The following PTPRG variants were observed in gnomAD, a reference collection of about 807,000 sequenced individuals.
The protein encoded by PTPRG is receptor-type tyrosine-protein phosphatase gamma.
In PTPRG, 102 loss-of-function variants were observed where a neutral mutation model predicts 165.3. The ratio of observed to expected loss-of-function variants is 0.62; its 90% confidence interval spans 0.53 to 0.73. The LOEUF is 0.73. PTPRG is among the 30% of genes least tolerant of loss of function. PTPRG has a pLI of 0.00. For missense variants in PTPRG, 1,866 were observed against 1,861.4 expected (o/e 1.00, Z -0.05); for synonymous variants, 675 against 669.5 (o/e 1.01, Z -0.13).
chr3:61,872,719 C>G (rs2037617286), intron 2 of PTPRG, among the ~76,000 whole-genome samples: 2 of 152,132 alleles, frequency 1.3e-5, no homozygotes, highest in Non-Finnish European at 1.5e-5. Context: ...ACTTAGGGAG[C>G]TTTTGAAGCC....
intron 4 of PTPRG, among the ~76,000 whole-genome samples, chr3:62,040,228 A>G (rs1700080880): frequency 6.6e-6 from 1 of 152,220 alleles, no homozygotes; most frequent in African/African-American, 2.4e-5. Flanking sequence ...GTACATTCCA[A>G]GTTTCACAAA....
rs139382181 is a variant in PTPRG, at chr3:61,917,381, G to A, written c.191-72244G>A. Among the ~76,000 whole-genome samples, 14 of 152,246 alleles carry A rather than the reference G, an allele frequency of 9.2e-5. No homozygotes were observed. In the East Asian group the frequency reaches 1.2e-3, roughly 13 times the overall value. On this transcript the variant is annotated intron_variant, in intron 2 of 29. Transcript: ENST00000474889. ...TTGGAATGAAATGGAGTGTTTAAGC[G>A]GTGAACATGCCACGTTGCCTGGCAG...
chr3:61,838,753 C>T (rs1242680905), intron 2 of PTPRG, among the ~76,000 whole-genome samples: 1 of 152,156 alleles, frequency 6.6e-6, no homozygotes, highest in East Asian at 1.9e-4. Context: ...TACCACTCTC[C>T]CTGAGCTTTT....
chr3:61,655,194 C>T (rs1045302013), intron 1 of PTPRG, among the ~76,000 whole-genome samples: 1 of 152,112 alleles, frequency 6.6e-6, no homozygotes, highest in Non-Finnish European at 1.5e-5. Flanking sequence ...CCAGATTGTC[C>T]AGAGTTGTAC....
At chr3:62,141,069 C>T (rs1488232737) in intron 6 of PTPRG, among the ~76,000 whole-genome samples, 2 of 151,972 alleles carry the variant, frequency 1.3e-5, no homozygotes, top group South Asian at 2.1e-4. Flanking sequence ...ACATTAATTT[C>T]CCAAATATAT....
chr3:62,093,739 C>T lies in PTPRG; in HGVS notation c.615+15481C>T, dbSNP rs148319146. The stretch of plus-strand genomic sequence containing the variant: ...GAGGCTGGAAGTAAGATCATCCCCT[C>T]GGGCTGTTGCCTGGGAAGATAGCTC... On this transcript the variant is annotated intron_variant, in intron 5 of 29. Coordinates refer to ENST00000474889, the MANE Select transcript of PTPRG (RefSeq NM_002841.4). Among the ~76,000 whole-genome samples, 385 of 152,310 alleles carry T rather than the reference C, an allele frequency of 2.5e-3. 3 individuals are homozygous for T. Among genetic ancestry groups the T allele is most frequent in the Middle Eastern group, 0.01 (3 of 294 alleles).
intron 1 of PTPRG, among the ~76,000 whole-genome samples, chr3:61,683,457 G>C (rs6801886): frequency 6.6e-6 from 1 of 152,216 alleles, no homozygotes; most frequent in African/African-American, 2.4e-5. Context: ...TTAGGAAATA[G>C]GTGGTTCCCA....
In PTPRG at chr3:62,255,008, T is replaced by C. The variant is rs1701505319; in HGVS notation, c.2468-116T>C. 5 of 775,458 alleles carry C rather than the reference T, an allele frequency of 6.4e-6. No individual in the cohort carries two copies. The highest frequency in any genetic ancestry group is 1.0e-5 in the Non-Finnish European group (5 of 485,572). The allele number at this position is 775,458 out of a possible 1,614,324, so 48.0% of individuals were successfully genotyped here. On this transcript the variant is annotated intron_variant, in intron 15 of 29. Coordinates refer to ENST00000474889, the MANE Select transcript of PTPRG (RefSeq NM_002841.4). This position sits in a 1 kb window ranked among gnomAD's most constrained non-coding sequence, Gnocchi z 4.0. ...AGGACATCTATTTTGTGTGATACAA[T>C]TATTTTGCTCTTTGCAAAAATCAAG...
At chr3:61,898,793 A>G (rs1477341801) in intron 2 of PTPRG, among the ~76,000 whole-genome samples, 1 of 152,236 alleles carries the variant, frequency 6.6e-6, no homozygotes, top group Non-Finnish European at 1.5e-5. Context: ...GGAATTCAAA[A>G]AGAAAGAAAA....
intron 1 of PTPRG, among the ~76,000 whole-genome samples, chr3:61,640,457 A>G (rs763952857): frequency 1.3e-5 from 2 of 152,206 alleles, no homozygotes; most frequent in African/African-American, 2.4e-5. Context: ...CTTGTAGAAC[A>G]TAAACCAAGG....
chr3:62,236,273 T>C (rs1378641167), intron 14 of PTPRG, among the ~76,000 whole-genome samples: 1 of 152,216 alleles, frequency 6.6e-6, no homozygotes. Flanking sequence ...GCCTTTTTCT[T>C]TTATTGTTGT....
intron 1 of PTPRG, among the ~76,000 whole-genome samples, chr3:61,666,752 T>A (rs1176119800): frequency 6.6e-6 from 1 of 152,210 alleles, no homozygotes; most frequent in East Asian, 1.9e-4. Flanking sequence ...GTAGGGTGTT[T>A]AGTAACATCT....
chr3:61,812,203 T>TTGTGTGTG (rs36020392), intron 2 of PTPRG, among the ~76,000 whole-genome samples: 8 of 150,456 alleles, frequency 5.3e-5, no homozygotes, highest in African/African-American at 1.5e-4. Context: ...CTACAGTTGA[T>TTGTGTGTG]TGTGTGTGTG....
intron 1 of PTPRG, among the ~76,000 whole-genome samples, chr3:61,609,547 TTC>T (rs1036125595): frequency 6.6e-6 from 1 of 152,216 alleles, no homozygotes; most frequent in African/African-American, 2.4e-5. Flanking sequence ...TTCCAGATGT[TTC>T]TTTCTTTTTT....
At chr3:62,022,245 A>G (rs1357669575) in intron 4 of PTPRG, among the ~76,000 whole-genome samples, 1 of 152,176 alleles carries the variant, frequency 6.6e-6, no homozygotes, top group East Asian at 1.9e-4. Context: ...TTGTGAAATA[A>G]AAGAATGAAC....
Position 61,989,614 on chromosome 3 carries a change from T to C in PTPRG, c.191-11T>C, listed in dbSNP as rs2040835548. On this transcript the variant is annotated splice_polypyrimidine_tract_variant and intron_variant, in intron 2 of 29. Transcript: ENST00000474889. ...AACCATGAGGATTGAAGTGTTGTCT[T>C]CTTTCAACAGGTGCCTATGGTCCTG... The C allele has an allele frequency of 1.2e-6, 2 of 1,610,868 alleles. No individual in the cohort carries two copies. Among genetic ancestry groups the C allele is most frequent in the East Asian group, 4.5e-5 (2 of 44,854 alleles).
chr3:61,981,474 A>T (rs530404322), intron 2 of PTPRG, among the ~76,000 whole-genome samples: 12 of 152,252 alleles, frequency 7.9e-5, no homozygotes, highest in African/African-American at 2.4e-4. Flanking sequence ...AAGCTGGGTC[A>T]GGGTCATGCC....
chr3:61,706,509 T>TC (rs962018336), intron 1 of PTPRG, among the ~76,000 whole-genome samples: 3 of 146,852 alleles, frequency 2.0e-5, no homozygotes, highest in Admixed American at 6.9e-5. Flanking sequence ...TTTTTTTTTT[T>TC]CGAGATGAAG....
intron 6 of PTPRG, among the ~76,000 whole-genome samples, chr3:62,140,201 T>G (rs1703869735): frequency 6.6e-6 from 1 of 152,224 alleles, no homozygotes; most frequent in Non-Finnish European, 1.5e-5. Context: ...GTTCAGCCCC[T>G]TAAGAAGACC....
Sources: allele counts gnomAD v4.1 joint callset (sites outside exome capture counted in the v4.1 genomes callset), GRCh38; gene constraint gnomAD v4.1.1; non-coding constraint Gnocchi (gnomAD v3.1); transcripts MANE v1.5; gene names NCBI Gene and HGNC (gene_info 2026-07-23, HGNC 2026-07-21).